Variants in CHN2 observed in about 807,000 individuals in gnomAD.
CHN2 encodes the protein chimerin 2.
In CHN2, 35 loss-of-function variants were observed where a neutral mutation model predicts 56.3. The observed-to-expected ratio is 0.62, with a 90% CI of 0.47 to 0.82. The LOEUF is 0.82. Among genes scored for constraint, CHN2 ranks in the 40% least tolerant of loss-of-function variants. The pLI is 0.00. For missense variants in CHN2, 491 were observed against 580.5 expected, an observed-to-expected ratio of 0.85 and a Z score of 1.58; for synonymous variants, 210 against 212.8, an observed-to-expected ratio of 0.99 and a Z score of 0.12.
intron 6 of CHN2, among the ~76,000 whole-genome samples, chr7:29,440,585 G>A (rs928698359): frequency 1.3e-5 from 2 of 151,126 alleles, no homozygotes; most frequent in African/African-American, 2.4e-5. Flanking sequence ...CAGCTACTTG[G>A]GACGCAGGAG....
intron 7 of CHN2, among the ~76,000 whole-genome samples, chr7:29,488,798 A>G (rs552694045): frequency 3.3e-4 from 50 of 152,242 alleles, no homozygotes; most frequent in African/African-American, 1.2e-3. Flanking sequence ...CGATGCTGCC[A>G]AACATCCCAC....
chr7:29,502,243 G>C (rs960448037), intron 9 of CHN2, among the ~76,000 whole-genome samples: 1 of 152,136 alleles, frequency 6.6e-6, no homozygotes, highest in South Asian at 2.1e-4. Context: ...CAGGTACCCA[G>C]GAGCAGTCCA....
At chr7:29,415,107 C>T (rs17157927) in intron 6 of CHN2, among the ~76,000 whole-genome samples, 2,817 of 152,274 alleles carry the variant, frequency 0.018, 85 homozygotes, top group African/African-American at 0.065. Flanking sequence ...GTGTGAAACA[C>T]GGTGCTGCCA....
intron 1 of CHN2, 107 bp downstream of exon 1, chr7:29,195,097 C>G: frequency 1.6e-6 from 2 of 1,252,136 alleles, no homozygotes; most frequent in East Asian, 2.8e-5. Flanking sequence ...CCCGCCCGCT[C>G]TCTCGGAATG....
chr7:29,188,317 C>T (rs1223742424), intron 2 of CHN2, among the ~76,000 whole-genome samples: 1 of 152,162 alleles, frequency 6.6e-6, no homozygotes, highest in East Asian at 1.9e-4. Flanking sequence ...CTCAGGGTCA[C>T]ACAGCTAATA....
intron 1 of CHN2, among the ~76,000 whole-genome samples, chr7:29,234,755 TAAGA>T (rs1787051760): frequency 6.6e-6 from 1 of 152,240 alleles, no homozygotes; most frequent in African/African-American, 2.4e-5. Flanking sequence ...TCACCACTTT[TAAGA>T]AAGATTTTGC....
chr7:29,263,928 T>TG (rs1454715133), intron 1 of CHN2, among the ~76,000 whole-genome samples: 1 of 148,512 alleles, frequency 6.7e-6, no homozygotes, highest in African/African-American at 2.5e-5. Flanking sequence ...GTCCGGGAGC[T>TG]GGGGGGCAGC....
intron 6 of CHN2, among the ~76,000 whole-genome samples, chr7:29,420,520 C>G (rs546037896): frequency 6.6e-6 from 1 of 152,280 alleles, no homozygotes; most frequent in East Asian, 1.9e-4. Context: ...TGAAATATGT[C>G]AGACATATTC....
At chr7:29,377,313 C>G (rs1371330741) in intron 3 of CHN2, among the ~76,000 whole-genome samples, 1 of 152,214 alleles carries the variant, frequency 6.6e-6, no homozygotes, top group African/African-American at 2.4e-5. Flanking sequence ...CGTGAGCGAC[C>G]ACGCCCCGCC....
intron 6 of CHN2, among the ~76,000 whole-genome samples, chr7:29,445,958 C>A (rs556285116): frequency 2.0e-5 from 3 of 151,926 alleles, no homozygotes; most frequent in African/African-American, 7.3e-5. Context: ...AGTGGCTACT[C>A]GTGCAGCTCT....
intron 6 of CHN2, among the ~76,000 whole-genome samples, chr7:29,441,612 A>G (rs905509104): frequency 1.3e-5 from 2 of 152,238 alleles, no homozygotes; most frequent in Admixed American, 1.3e-4. Context: ...ATGAAAAAAT[A>G]GGCAAGAAAC....
intron 1 of CHN2, among the ~76,000 whole-genome samples, chr7:29,256,144 G>A (rs990422418): frequency 6.6e-6 from 1 of 152,136 alleles, no homozygotes; most frequent in Non-Finnish European, 1.5e-5. Flanking sequence ...TTTAGGTTGT[G>A]GTCAGCTCTA....
chr7:29,201,254 A>C (rs909060968), intron 1 of CHN2, among the ~76,000 whole-genome samples: 3 of 152,204 alleles, frequency 2.0e-5, no homozygotes, highest in African/African-American at 7.2e-5. Flanking sequence ...ATCAGAGCCC[A>C]AGGAACTCAG....
At chr7:29,254,662 G>C (rs1166408982) in intron 1 of CHN2, among the ~76,000 whole-genome samples, 1 of 152,078 alleles carries the variant, frequency 6.6e-6, no homozygotes, top group African/African-American at 2.4e-5. Flanking sequence ...TTGGTTACCG[G>C]GGACTGGACA....
intron 1 of CHN2, among the ~76,000 whole-genome samples, chr7:29,258,491 C>CCTTTTCT (rs1270510041): frequency 3.3e-5 from 5 of 152,188 alleles, no homozygotes; most frequent in African/African-American, 9.6e-5. Flanking sequence ...CTTCTGTTTT[C>CCTTTTCT]TCCACGGCCT....
rs545289689 is a variant in CHN2 at position 29,252,578 on chromosome 7, GTTTTTTTTTT to G, written c.49+57607_49+57616del. On this transcript the variant is annotated intron_variant, in intron 1 of 12. Coordinates refer to ENST00000222792, the MANE Select transcript of CHN2 (RefSeq NM_004067.4). ...CTGTTTGTCTAAAATTGCATTCTTT[GTTTTTTTTTT>G]TTTTTTTTTTTTTTTTTTGAGACGG... Among the ~76,000 whole-genome samples, 49 of 19,498 alleles carry G rather than the reference GTTTTTTTTTT, an allele frequency of 2.5e-3. 3 individuals are homozygous for G. The South Asian group carries it at 0.029, about 11-fold the overall frequency. 12.8% of individuals were successfully genotyped at this position (19,498 alleles called of 152,430 possible). A position where few individuals can be genotyped will look rare whatever the true frequency, so the allele number is the denominator to read the frequency against.
chr7:29,148,435 G>C (rs1421201476), intron 2 of CHN2: 2 of 152,214 alleles, frequency 1.3e-5, no homozygotes, highest in Admixed American at 6.5e-5. Flanking sequence ...CCATTTGAAA[G>C]TTAATTTAAC....
intron 2 of CHN2, among the ~76,000 whole-genome samples, chr7:29,359,389 A>G (rs1316854608): frequency 6.6e-6 from 1 of 151,916 alleles, no homozygotes; most frequent in Non-Finnish European, 1.5e-5. Context: ...TAATTTAGTC[A>G]CTCCTTCATT....
chr7:29,382,368 G>C (rs1337365400), intron 3 of CHN2, among the ~76,000 whole-genome samples: 1 of 152,184 alleles, frequency 6.6e-6, no homozygotes, highest in Admixed American at 6.5e-5. Flanking sequence ...GTGGTCTTCA[G>C]TCTTCACTCT....
Sources: allele counts gnomAD v4.1 joint callset (sites outside exome capture counted in the v4.1 genomes callset), GRCh38; gene constraint gnomAD v4.1.1; transcripts MANE v1.5; gene names NCBI Gene and HGNC (gene_info 2026-07-23, HGNC 2026-07-21).